CLCN7: variants seen among roughly 807,000 people sequenced by gnomAD.
CLCN7 encodes the protein H(+)/Cl(-) exchange transporter 7.
Under a neutral mutation model 102.1 loss-of-function variants are expected in CLCN7, and 60 were observed. The ratio of observed to expected loss-of-function variants is 0.59; its 90% confidence interval spans 0.48 to 0.73. CLCN7 has a LOEUF of 0.73. Ranked by LOEUF, CLCN7 falls within the 30% of genes least tolerant of loss-of-function variation. CLCN7 has a pLI of 0.00. For synonymous variants in CLCN7, 560 were observed against 490.5 expected, an observed-to-expected ratio of 1.14 and a Z score of -1.87; for missense variants, 962 against 1,125.7, an observed-to-expected ratio of 0.85 and a Z score of 2.08.
chr16:1,451,543 G>A, intron 16 of CLCN7, 80 bp downstream of exon 16: 1 of 1,254,670 alleles, frequency 8.0e-7, no homozygotes, highest in Admixed American at 1.8e-5. Context: ...TGCAACCTCA[G>A]CCCACAGGGG....
rs1235549327 is a variant in CLCN7 at position 1,452,860 on chromosome 16, C to T, written c.1248G>A (p.Glu416=). The change falls in exon 15 of 25, where the codon GAG becomes GAA. Residue 416 remains glutamate (E), a synonymous_variant. Coordinates refer to ENST00000382745, the MANE Select transcript of CLCN7 (RefSeq NM_001287.6). ...YIHRPCLQVI[E]AVLVAAVTAT... ...CCGTGACGGCGGCCACCAGCACGGC[C>T]TCAATCACCTGCAGGCAGGGCCGGT... 6.3e-7 allele frequency: 1 copy of T among 1,579,494 alleles called. No individual in the cohort carries two copies.
In CLCN7 at chr16:1,450,521, G is replaced by A. The variant is rs757207589; in HGVS notation, c.1593C>T (p.Ser531=). ...GAAWGRLFGI[S]LSYLTGAAIW... is the part of the protein sequence containing the mutation. ...CCGCCGCCCCCGTGAGGTAGGACAG[G>A]GAGATCCCAAAGAGCCGGCCCCAGG... The change falls in exon 17 of 25, where the codon TCC becomes TCT. Residue 531 remains serine, a synonymous_variant. Coordinates refer to ENST00000382745, the MANE Select transcript of CLCN7 (RefSeq NM_001287.6). 8 of 1,608,646 alleles carry A rather than the reference G, an allele frequency of 5.0e-6. No homozygotes were observed. The highest frequency in any genetic ancestry group is 6.8e-6 in the Non-Finnish European group (8 of 1,178,378).
At chr16:1,466,723 CGG>C (rs1315688435) in intron 1 of CLCN7, 1 of 151,950 alleles carries the variant, frequency 6.6e-6, no homozygotes, top group Non-Finnish European at 1.5e-5. Flanking sequence ...GAGGCTGAGG[CGG>C]GCAAATCACT....
At chr16:1,471,767 C>T (rs1372511779) in intron 1 of CLCN7, 1 of 152,268 alleles carries the variant, frequency 6.6e-6, no homozygotes, top group Non-Finnish European at 1.5e-5. Flanking sequence ...AGAGCACAAA[C>T]GCCTGGCCTA....
Position 1,459,124 on chromosome 16 carries a change from G to A in CLCN7, c.658C>T (p.His220Tyr), listed in dbSNP as rs1246782459. The A allele has an allele frequency of 4.3e-6, 7 of 1,612,170 alleles. No individual in the cohort carries two copies. The highest frequency in any genetic ancestry group is 2.2e-5 in the East Asian group (1 of 44,854). Residue 220 changes from histidine (H) to tyrosine (Y), a missense_variant, in exon 7 of 25, where the codon CAC becomes TAC. This residue lies in a region of CLCN7 where 799 missense variants were observed against 988.0 expected (regional missense o/e 0.81). Coordinates refer to ENST00000382745, the MANE Select transcript of CLCN7 (RefSeq NM_001287.6). Reference sequence around the variant, plus strand: ...ACCCTCACCTTGAGCCGCACCACGTGGGGGATCTTCACCCCGTTGAGGAAG... The same window carrying A: ...ACCCTCACCTTGAGCCGCACCACGTAGGGGATCTTCACCCCGTTGAGGAAG... ...KCFLNGVKIP[H>Y]VVRLKTLVIK... is the part of the protein sequence containing the mutation.
At position 1,448,843 on chromosome 16, in the gene CLCN7, C is replaced by CA; in HGVS notation, c.1798-78dup. The CA allele has an allele frequency of 2.5e-6, 4 of 1,595,714 alleles. No individual in the cohort carries two copies. In the South Asian group the frequency reaches 4.4e-5, roughly 18 times the overall value. On this transcript the variant is annotated intron_variant, in intron 19 of 24. Coordinates refer to ENST00000382745, the MANE Select transcript of CLCN7 (RefSeq NM_001287.6). ...AGCCCCGAGCCTACCCCTGGGAGCC[C>CA]AGAGGCCGCCCCCAGAAACCCTGAG...
chr16:1,461,000 C>T, intron 4 of CLCN7, 52 bp from the exon 5 acceptor site: 1 of 1,601,942 alleles, frequency 6.2e-7, no homozygotes, highest in Non-Finnish European at 8.5e-7. Flanking sequence ...CGCAGTCACT[C>T]TGGCAGCAGC....
rs757656862 is a variant in CLCN7 at position 1,447,427 on chromosome 16, C to T, written c.2215G>A (p.Glu739Lys). 5 of 1,551,702 alleles carry T rather than the reference C, an allele frequency of 3.2e-6. No homozygotes were observed. The highest frequency in any genetic ancestry group is 2.4e-5 in the East Asian group (1 of 41,018). Reference protein sequence around the residue: ...DERECTMDLSEFMNPSPYTVP... With the variant: ...DERECTMDLSKFMNPSPYTVP... ...GTGTAGGGGGAGGGGTTCATGAACTCGGAGAGGTCCATGGTGCACTCCCGC... is the reference window on the plus strand; with the variant it reads ...GTGTAGGGGGAGGGGTTCATGAACTTGGAGAGGTCCATGGTGCACTCCCGC... The change falls in exon 23 of 25, where the codon GAG (glutamate) becomes AAG (lysine). Residue 739 changes from glutamate to lysine, a missense_variant. Glu to Lys is a moderately conservative substitution (Grantham distance 56, BLOSUM62 1). This residue lies in a region of CLCN7 where 799 missense variants were observed against 988.0 expected (regional missense o/e 0.81). Coordinates refer to ENST00000382745, the MANE Select transcript of CLCN7 (RefSeq NM_001287.6).
At chr16:1,448,660 C>T (rs369389740) in intron 20 of CLCN7, 21 bp downstream of exon 20, 3 of 1,611,898 alleles carry the variant, frequency 1.9e-6, no homozygotes, top group Middle Eastern at 1.7e-4. Context: ...TCCCCACCCA[C>T]AGGTGTCCTG....
At chr16:1,472,973 G>A (rs1596232642) in intron 1 of CLCN7, among the ~76,000 whole-genome samples, 1 of 141,204 alleles carries the variant, frequency 7.1e-6, no homozygotes, top group African/African-American at 2.6e-5. Flanking sequence ...TCACTATTTT[G>A]CCCAGGCTGG....
At chr16:1,455,043 C>G (rs1445083149) in intron 12 of CLCN7, 91 bp downstream of exon 12, 1 of 836,978 alleles carries the variant, frequency 1.2e-6, no homozygotes, top group East Asian at 2.4e-5. Context: ...CCAGAGTTTT[C>G]TAAAGGACCA....
In CLCN7 at chr16:1,448,887, C is replaced by T; in HGVS notation, c.1797+79G>A. ...CCCTGAGCCTACCCCCCGGGACCGG[C>T]TGTTTGGAGGCTCACAGGGGCCCCT... On this transcript the variant is annotated intron_variant, in intron 19 of 24. Transcript: ENST00000382745. 6 of 1,602,908 alleles carry T rather than the reference C, an allele frequency of 3.7e-6. No homozygotes were observed. In the South Asian group the frequency reaches 5.5e-5, roughly 15 times the overall value.
intron 1 of CLCN7, among the ~76,000 whole-genome samples, chr16:1,468,282 G>A (rs1208524716): frequency 1.3e-5 from 2 of 152,174 alleles, no homozygotes; most frequent in South Asian, 4.1e-4. Context: ...CACCCCCACC[G>A]CCGCCGCCTT....
intron 12 of CLCN7, 98 bp downstream of exon 12, chr16:1,455,034 CAG>C: frequency 1.3e-6 from 1 of 799,074 alleles, no homozygotes; most frequent in Non-Finnish European, 2.3e-6. Context: ...AGCTATCAAC[CAG>C]AGTTTTCTAA....
intron 18 of CLCN7, 71 bp downstream of exon 18, chr16:1,449,205 C>T (rs916229900): frequency 4.5e-5 from 70 of 1,572,392 alleles, no homozygotes; most frequent in African/African-American, 1.6e-4. Flanking sequence ...ACCCTAGCCC[C>T]GCAAGGACAG....
intron 7 of CLCN7, among the ~76,000 whole-genome samples, chr16:1,458,677 C>T (rs960089607): frequency 7.2e-5 from 11 of 152,228 alleles, no homozygotes; most frequent in Non-Finnish European, 1.5e-4. Flanking sequence ...CACAGCGGAA[C>T]TGGGTCAGGA....
chr16:1,449,130 T>G, intron 18 of CLCN7, 37 bp from the exon 19 acceptor site: 2 of 1,611,958 alleles, frequency 1.2e-6, no homozygotes, highest in South Asian at 1.1e-5. Flanking sequence ...ACGTCCACCC[T>G]CCTGGCTCAG....
intron 6 of CLCN7, 152 bp from the exon 7 acceptor site, chr16:1,459,339 G>T: frequency 1.6e-6 from 1 of 612,872 alleles, no homozygotes; most frequent in East Asian, 2.9e-5. Flanking sequence ...GGGGCCCCAG[G>T]GAAGGGAAGA....
At chr16:1,471,466 G>C (rs2039076977) in intron 1 of CLCN7, among the ~76,000 whole-genome samples, 1 of 152,066 alleles carries the variant, frequency 6.6e-6, no homozygotes, top group Non-Finnish European at 1.5e-5. Context: ...GTGCGCCTGA[G>C]CCTAACTGTG....
Sources: gnomAD v4.1 joint callset for allele counts (sites outside exome capture counted in the v4.1 genomes callset) on GRCh38, gnomAD v4.1.1 for gene constraint, gnomAD v4.1.1 regional missense constraint, MANE v1.5 for transcripts, NCBI Gene and HGNC (gene_info 2026-07-23, HGNC 2026-07-21) for gene names.